CFAP52: variants seen among roughly 807,000 people sequenced by gnomAD.
CFAP52 encodes cilia and flagella associated protein 52.
CFAP52 carries 57 observed loss-of-function variants against 70.5 expected under a neutral mutation model. That is an observed-to-expected ratio of 0.81 (90% CI 0.65 to 1.01). CFAP52 has a LOEUF of 1.01. Among genes scored for constraint, CFAP52 ranks in the 50% least tolerant of loss-of-function variants. CFAP52 has a pLI of 0.00. For synonymous variants in CFAP52, 267 were observed against 292.5 expected, an observed-to-expected ratio of 0.91 and a Z score of 0.89; for missense variants, 785 against 788.5, an observed-to-expected ratio of 1.00 and a Z score of 0.05.
chr17:9,587,046 G>T (rs1213384789), intron 3 of CFAP52, among the ~76,000 whole-genome samples: 1 of 151,920 alleles, frequency 6.6e-6, no homozygotes, highest in Non-Finnish European at 1.5e-5. Flanking sequence ...ACAGGCCCCA[G>T]TGTCTGTGTT....
chr17:9,631,016 A>AGAGAG lies in CFAP52; in HGVS notation c.1175-1872_1175-1871insGAGAG, dbSNP rs1567634774. 5.9e-4 allele frequency among the ~76,000 whole-genome samples: 30 copies of AGAGAG among 51,148 alleles called. 1 individual carries two copies. Among genetic ancestry groups the AGAGAG allele is most frequent in the African/African-American group, 3.6e-3 (27 of 7,454 alleles). The allele number at this position is 51,148 out of a possible 152,430, so 33.6% of individuals were successfully genotyped here. On this transcript the variant is annotated intron_variant, in intron 9 of 13. Transcript: ENST00000352665. ...AAAGAAAGAAAGAAAGAAAGAAAGA[A>AGAGAG]AGAAAGAAAGAAAGAGAGAGAGAGA...
At chr17:9,631,773 T>C (rs1198449140) in intron 9 of CFAP52, among the ~76,000 whole-genome samples, 1 of 151,750 alleles carries the variant, frequency 6.6e-6, no homozygotes, top group Non-Finnish European at 1.5e-5. Flanking sequence ...TGGAAAGTTT[T>C]TTTTTTTTTT....
chr17:9,630,889 G>C (rs922098074), intron 9 of CFAP52, among the ~76,000 whole-genome samples: 4 of 149,978 alleles, frequency 2.7e-5, no homozygotes, highest in African/African-American at 4.9e-5. Context: ...GGGAGGCTGA[G>C]ACAGGAGAGT....
At chr17:9,578,331 T>G (rs185624585) in intron 1 of CFAP52, among the ~76,000 whole-genome samples, 1 of 152,176 alleles carries the variant, frequency 6.6e-6, no homozygotes, top group African/African-American at 2.4e-5. Flanking sequence ...CTCAGTAAAC[T>G]GGCCAGAGGT....
At chr17:9,606,144 A>G (rs1266492236) in intron 6 of CFAP52, among the ~76,000 whole-genome samples, 2 of 152,174 alleles carry the variant, frequency 1.3e-5, no homozygotes, top group African/African-American at 2.4e-5. Flanking sequence ...GCGCTTTGGG[A>G]GGCCAAGGCA....
chr17:9,594,499 T>C (rs1187333163), intron 4 of CFAP52, 178 bp downstream of exon 4: 2 of 717,428 alleles, frequency 2.8e-6, no homozygotes, highest in Non-Finnish European at 4.0e-6. Flanking sequence ...ATTTTCACTA[T>C]AGTTATTTTA....
chr17:9,582,770 G>A (rs1200982289), intron 1 of CFAP52, among the ~76,000 whole-genome samples: 1 of 152,164 alleles, frequency 6.6e-6, no homozygotes, highest in East Asian at 1.9e-4. Context: ...TCAAGTAGCT[G>A]GGATTATAGG....
Position 9,633,825 on chromosome 17 carries a change from T to C in CFAP52, c.1320+792T>C, listed in dbSNP as rs543738556. Among the ~76,000 whole-genome samples the C allele has an allele frequency of 2.8e-4, 42 of 151,912 alleles. 1 individual carries two copies. The East Asian group carries it at 7.2e-3, about 26-fold the overall frequency. On this transcript the variant is annotated intron_variant, in intron 10 of 13. Transcript: ENST00000352665. ...CTGAGTAGCTGGGACTACAGGTGCC[T>C]GCCACCACGCCCAGCTAATTTTTTT...
intron 8 of CFAP52, among the ~76,000 whole-genome samples, chr17:9,613,218 G>A (rs777787640): frequency 6.6e-6 from 1 of 150,890 alleles, no homozygotes; most frequent in Non-Finnish European, 1.5e-5. Context: ...TGGGTATTAC[G>A]AGGGCTTCTG....
chr17:9,581,143 C>T (rs1908209571), intron 1 of CFAP52, among the ~76,000 whole-genome samples: 1 of 152,114 alleles, frequency 6.6e-6, no homozygotes, highest in South Asian at 2.1e-4. Context: ...GGTGAAACCC[C>T]GTCTCTACTA....
intron 9 of CFAP52, among the ~76,000 whole-genome samples, chr17:9,631,772 T>G (rs1293994018): frequency 6.6e-6 from 1 of 151,484 alleles, no homozygotes; most frequent in Non-Finnish European, 1.5e-5. Context: ...TTGGAAAGTT[T>G]TTTTTTTTTT....
Position 9,625,129 on chromosome 17 carries a change from G to C in CFAP52, c.1026-3543G>C, listed in dbSNP as rs73975750. Among the ~76,000 whole-genome samples, 702 of 151,970 alleles carry C rather than the reference G, an allele frequency of 4.6e-3. 9 individuals are homozygous for C. Among genetic ancestry groups the C allele is most frequent in the African/African-American group, 0.016 (647 of 41,424 alleles). On this transcript the variant is annotated intron_variant, in intron 8 of 13. Transcript: ENST00000352665. The stretch of plus-strand genomic sequence containing the variant: ...CTTAAAAAGGCAAGCAAACAAAAAA[G>C]CAACAAACAAAAAACCTCTCAGATT...
chr17:9,630,214 A>C (rs760613607), intron 9 of CFAP52, among the ~76,000 whole-genome samples: 4 of 150,962 alleles, frequency 2.6e-5, no homozygotes, highest in African/African-American at 4.9e-5. Context: ...TTCTCTTCTC[A>C]CCCAGTATAC....
At chr17:9,583,671 A>G (rs183608062) in intron 1 of CFAP52, among the ~76,000 whole-genome samples, 2 of 152,350 alleles carry the variant, frequency 1.3e-5, no homozygotes, top group East Asian at 1.9e-4. Context: ...ATCTCACTAA[A>G]AACACAATCA....
chr17:9,592,968 G>A (rs982567060), intron 3 of CFAP52, among the ~76,000 whole-genome samples: 10 of 152,008 alleles, frequency 6.6e-5, no homozygotes, highest in African/African-American at 2.4e-4. Context: ...CACTTTTGAT[G>A]GTATCTGTTA....
intron 1 of CFAP52, 30 bp from the exon 2 acceptor site, chr17:9,585,743 T>G: frequency 6.2e-7 from 1 of 1,610,290 alleles, no homozygotes; most frequent in Non-Finnish European, 8.5e-7. Flanking sequence ...CTGCACCTGA[T>G]TATTATTACT....
intron 3 of CFAP52, among the ~76,000 whole-genome samples, chr17:9,591,229 G>A (rs1405539669): frequency 2.0e-5 from 3 of 151,578 alleles, no homozygotes; most frequent in East Asian, 1.9e-4. Context: ...TAGAGACGGG[G>A]GTCTCTTCAT....
intron 3 of CFAP52, among the ~76,000 whole-genome samples, chr17:9,591,522 G>A (rs1908761356): frequency 6.6e-6 from 1 of 152,138 alleles, no homozygotes; most frequent in Non-Finnish European, 1.5e-5. Context: ...GTACAGATGT[G>A]CTGGAATCTA....
At chr17:9,628,940 C>A in intron 9 of CFAP52, 120 bp downstream of exon 9, 1 of 1,420,384 alleles carries the variant, frequency 7.0e-7, no homozygotes, top group Non-Finnish European at 9.6e-7. Context: ...ACTGTCCACC[C>A]CCTTCTTGCT....
Sources: gnomAD v4.1 joint callset for allele counts (sites outside exome capture counted in the v4.1 genomes callset) on GRCh38, gnomAD v4.1.1 for gene constraint, MANE v1.5 for transcripts, NCBI Gene and HGNC (gene_info 2026-07-23, HGNC 2026-07-21) for gene names.